LTBP3: variants seen among roughly 807,000 people sequenced by gnomAD.
LTBP3 encodes latent-transforming growth factor beta-binding protein 3.
LTBP3 carries 97 observed loss-of-function variants against 159.7 expected under a neutral mutation model. The ratio of observed to expected loss-of-function variants is 0.61; its 90% CI spans 0.52 to 0.72. The LOEUF (loss-of-function observed/expected upper bound fraction) is 0.72. Among genes scored for constraint, LTBP3 ranks in the 30% least tolerant of loss-of-function variants. The pLI, the probability that LTBP3 is intolerant of heterozygous loss-of-function variation, is 0.00. For missense variants in LTBP3, 1,584 were observed against 1,864.3 expected (o/e 0.85, Z 2.77); for synonymous variants, 824 against 777.1 (o/e 1.06, Z -1.00).
chr11:65,546,763 G>T lies in LTBP3; in HGVS notation c.2230+35C>A. On this transcript the variant is annotated intron_variant, in intron 15 of 27. Transcript: ENST00000301873. The surrounding 1 kb of genome is among the most constrained non-coding windows in gnomAD (Gnocchi z 4.0). ...AGCCAGACTGGGGGAGGCACCTGAC[G>T]GCCCCACCCACTCGGCTCCGGGCCC... is the stretch of plus-strand genomic sequence containing the variant. The T allele has an allele frequency of 1.3e-6, 2 of 1,516,932 alleles. No individual in the cohort carries two copies. Among genetic ancestry groups the T allele is most frequent in the Non-Finnish European group, 1.8e-6 (2 of 1,122,266 alleles). 94.0% of individuals were successfully genotyped at this position (1,516,932 alleles called of 1,614,324 possible). A position where few individuals can be genotyped will look rare whatever the true frequency, so the allele number is the denominator to read the frequency against.
At position 65,546,658 on chromosome 11, in the gene LTBP3, T is replaced by C. The variant is rs1018349114; in HGVS notation, c.2231-94A>G. The C allele has an allele frequency of 2.5e-6, 4 of 1,572,282 alleles. No individual in the cohort carries two copies. The South Asian group carries it at 4.5e-5, about 18-fold the overall frequency. ...TGGGTCTCTTCCCTGGAACGCGGGG[T>C]TGAGAGGGCAGCCTCTACTCCCGGA... On this transcript the variant is annotated intron_variant, in intron 15 of 27. Transcript: ENST00000301873. This position sits in a 1 kb window ranked among gnomAD's most constrained non-coding sequence, Gnocchi z 4.0.
At chr11:65,541,417 G>T in intron 19 of LTBP3, 124 bp from the exon 20 acceptor site, 1 of 1,417,298 alleles carries the variant, frequency 7.1e-7, no homozygotes, top group Non-Finnish European at 9.8e-7. Context: ...CCTGAGAGTT[G>T]GCTCTGTTCT....
chr11:65,545,232 A>G (rs1315315442), intron 16 of LTBP3: 1 of 189,482 alleles, frequency 5.3e-6, no homozygotes, highest in Non-Finnish European at 1.1e-5. Context: ...ATCTCCTCCA[A>G]CGCCTTCCGC....
intron 19 of LTBP3, 41 bp from the exon 20 acceptor site, chr11:65,541,334 C>A: frequency 6.2e-7 from 1 of 1,600,952 alleles, no homozygotes; most frequent in South Asian, 1.1e-5. Context: ...CACAGACCCC[C>A]CTTGGCCCTG....
At chr11:65,550,618 G>A (rs1381849499) in intron 11 of LTBP3, among the ~76,000 whole-genome samples, 2 of 150,624 alleles carry the variant, frequency 1.3e-5, no homozygotes, top group East Asian at 4.0e-4. Flanking sequence ...GAGGTCAAGA[G>A]ATCGAGACCA....
In LTBP3 at chr11:65,552,425, G is replaced by A. The variant is rs985660478; in HGVS notation, c.1187-19C>T. 1.2e-6 allele frequency: 2 copies of A among 1,610,864 alleles called. No homozygotes were observed. The highest frequency in any genetic ancestry group is 2.2e-5 in the East Asian group (1 of 44,892). The stretch of plus-strand genomic sequence containing the variant: ...TTGTCTGCTGCAGGGGCCAGTGGGG[G>A]GCATGGGCATCTGAGCCTGCACATT... On this transcript the variant is annotated intron_variant, in intron 6 of 27. Transcript: ENST00000301873. This position sits in a 1 kb window ranked among gnomAD's most constrained non-coding sequence, Gnocchi z 6.0.
rs1856125643 is a variant in LTBP3, at chr11:65,541,296, G to GA, written c.2726-4dup. On this transcript the variant is annotated splice_polypyrimidine_tract_variant and splice_region_variant and intron_variant, in intron 19 of 27. Transcript: ENST00000301873. Reference sequence around the variant, plus strand: ...CTTGTGGTGGGGCTGCTCCACCTCTGAGGGGCAGACGGCAGCTCAGGGTTG... The same window carrying GA: ...CTTGTGGTGGGGCTGCTCCACCTCTGAAGGGGCAGACGGCAGCTCAGGGTTG... 6.2e-7 allele frequency: 1 copy of GA among 1,610,050 alleles called. No individual in the cohort carries two copies. Among genetic ancestry groups the GA allele is most frequent in the East Asian group, 2.2e-5 (1 of 44,870 alleles).
chr11:65,546,342 G>A lies in LTBP3; in HGVS notation c.2353+100C>T, dbSNP rs1311813908. The A allele has an allele frequency of 1.5e-6, 2 of 1,363,624 alleles. No homozygotes were observed. The highest frequency in any genetic ancestry group is 1.9e-6 in the Non-Finnish European group (2 of 1,037,720). 84.5% of individuals were successfully genotyped at this position (1,363,624 alleles called of 1,614,324 possible). On this transcript the variant is annotated intron_variant, in intron 16 of 27. Coordinates refer to ENST00000301873, the MANE Select transcript of LTBP3 (RefSeq NM_001130144.3). This position sits in a 1 kb window ranked among gnomAD's most constrained non-coding sequence, Gnocchi z 4.0. ...TGAGCAGAGTCACCTGGGGATGAAT[G>A]AGCCACCTTCCACCCACTGTTTACA...
chr11:65,555,977 C>T (rs753397212), intron 1 of LTBP3, among the ~76,000 whole-genome samples: 4 of 152,120 alleles, frequency 2.6e-5, no homozygotes, highest in Admixed American at 6.5e-5. Flanking sequence ...GTGTCCTGGG[C>T]GGGGGGAGGT....
rs1372611834 is a variant in LTBP3, at chr11:65,553,747, T to C, written c.818A>G (p.Gln273Arg). 2 of 1,578,602 alleles carry C rather than the reference T, an allele frequency of 1.3e-6. No homozygotes were observed. Among genetic ancestry groups the C allele is most frequent in the East Asian group, 4.5e-5 (2 of 43,982 alleles). Residue 273 changes from glutamine to arginine, a missense_variant, in exon 3 of 28, where the codon CAG becomes CGG. By Grantham distance (43) the Gln-to-Arg change is conservative. Transcript: ENST00000301873. This position sits in a 1 kb window ranked among gnomAD's most constrained non-coding sequence, Gnocchi z 6.5. ...PKPSHPRPPT[Q>R]KPLGRCFQDT... ...CTGAAAGCAGCGGCCCAGGGGCTTCTGGGTGGGCGGCCGGGGGTGCGAGGG... is the reference window on the plus strand; with the variant it reads ...CTGAAAGCAGCGGCCCAGGGGCTTCCGGGTGGGCGGCCGGGGGTGCGAGGG...
chr11:65,550,367 G>A (rs1265980827), intron 11 of LTBP3, among the ~76,000 whole-genome samples: 1 of 151,856 alleles, frequency 6.6e-6, no homozygotes, highest in African/African-American at 2.4e-5. Flanking sequence ...AGCCGAGATC[G>A]CGCCACTGCA....
In LTBP3 at chr11:65,541,296, G is replaced by A; in HGVS notation, c.2726-3C>T. On this transcript the variant is annotated splice_polypyrimidine_tract_variant and splice_region_variant and intron_variant, in intron 19 of 27. Coordinates refer to ENST00000301873, the MANE Select transcript of LTBP3 (RefSeq NM_001130144.3). ...CTTGTGGTGGGGCTGCTCCACCTCT[G>A]AGGGGCAGACGGCAGCTCAGGGTTG... 1.9e-6 allele frequency: 3 copies of A among 1,610,050 alleles called. No homozygotes were observed. The highest frequency in any genetic ancestry group is 2.5e-6 in the Non-Finnish European group (3 of 1,179,962).
chr11:65,553,367 TG>T lies in LTBP3; in HGVS notation c.970+57del, dbSNP rs1410941843. 1.5e-4 allele frequency: 48 copies of T among 318,400 alleles called. No individual in the cohort carries two copies. Among genetic ancestry groups the T allele is most frequent in the Non-Finnish European group, 1.4e-4 (27 of 199,246 alleles). 19.7% of individuals were successfully genotyped at this position (318,400 alleles called of 1,614,324 possible). A position where few individuals can be genotyped will look rare whatever the true frequency, so the allele number is the denominator to read the frequency against. On this transcript the variant is annotated intron_variant, in intron 4 of 27. Transcript: ENST00000301873. This position sits in a 1 kb window ranked among gnomAD's most constrained non-coding sequence, Gnocchi z 6.5. ...TGGGGACTCCCACTGCAGGGATGGG[TG>T]GGGTGGGTGGGGAGGGGCCACCAGA...
rs28403592 is a variant in LTBP3, at chr11:65,553,238, G to A, written c.989C>T (p.Pro330Leu). Residue 330 changes from proline to leucine, a missense_variant, in exon 5 of 28, where the codon CCA becomes CTA. By Grantham distance (98) the Pro-to-Leu change is moderately conservative. Around this residue, in one of 6 missense-constraint regions of LTBP3, gnomAD observed 156 missense variants for 259.7 expected, o/e 0.60. Coordinates refer to ENST00000301873, the MANE Select transcript of LTBP3 (RefSeq NM_001130144.3). The surrounding 1 kb of genome is among the most constrained non-coding windows in gnomAD (Gnocchi z 6.5). ...PQLQYTGVQK[P>L]GPVRGEVGAD... ...GCCCACTTCCCCACGTACAGGCCCTGGCTTCTGCACTCCTGTGTCTGCAGA... is the reference window on the plus strand; with the variant it reads ...GCCCACTTCCCCACGTACAGGCCCTAGCTTCTGCACTCCTGTGTCTGCAGA... 933 of 1,614,106 alleles carry A rather than the reference G, an allele frequency of 5.8e-4. 2 individuals are homozygous for A. In the East Asian group the frequency reaches 7.8e-3, roughly 13 times the overall value.
rs1856668889 is a variant in LTBP3 at position 65,553,045 on chromosome 11, A to G, written c.1064-63T>C. Reference sequence around the variant, plus strand: ...CCATGGGGTGACAGCAGGCTGCTCCAAGAACCTCAGGGTCTTGCCCCAGCC... The same window carrying G: ...CCATGGGGTGACAGCAGGCTGCTCCGAGAACCTCAGGGTCTTGCCCCAGCC... On this transcript the variant is annotated intron_variant, in intron 5 of 27. Coordinates refer to ENST00000301873, the MANE Select transcript of LTBP3 (RefSeq NM_001130144.3). The surrounding 1 kb of genome is among the most constrained non-coding windows in gnomAD (Gnocchi z 6.5). The G allele has an allele frequency of 6.2e-7, 1 of 1,613,002 alleles. No individual in the cohort carries two copies. The highest frequency in any genetic ancestry group is 1.7e-5 in the Admixed American group (1 of 59,974).
rs764294041 is a variant in LTBP3, at chr11:65,540,854, A to T, written c.2977+17T>A. 2.5e-6 allele frequency: 4 copies of T among 1,604,470 alleles called. No homozygotes were observed. The Admixed American group carries it at 6.9e-5, about 28-fold the overall frequency. On this transcript the variant is annotated intron_variant, in intron 21 of 27. Coordinates refer to ENST00000301873, the MANE Select transcript of LTBP3 (RefSeq NM_001130144.3). ...GGGTGAGAGGGCGCGGGGCGGGCGG[A>T]GCCGCAGGGCGCTTACCACGGTGGG...
At chr11:65,548,337 C>G (rs1856470216) in intron 11 of LTBP3, 2 of 597,176 alleles carry the variant, frequency 3.3e-6, no homozygotes, top group East Asian at 5.6e-5. Context: ...CAAACCAAAC[C>G]ACATCCCCTC....
At position 65,552,766 on chromosome 11, in the gene LTBP3, C is replaced by T; in HGVS notation, c.1186+94G>A. On this transcript the variant is annotated intron_variant, in intron 6 of 27. Transcript: ENST00000301873. This position sits in a 1 kb window ranked among gnomAD's most constrained non-coding sequence, Gnocchi z 6.0. ...CTCTGGGCCTTGTTCCTCCTGCAGT[C>T]AACCCTTAACCCCACTCTGATCTCT... 6.3e-7 allele frequency: 1 copy of T among 1,585,542 alleles called. No homozygotes were observed. The highest frequency in any genetic ancestry group is 1.3e-5 in the African/African-American group (1 of 74,422).
In LTBP3 at chr11:65,546,578, A is replaced by G; in HGVS notation, c.2231-14T>C. 1 of 1,601,266 alleles carries G rather than the reference A, an allele frequency of 6.2e-7. No individual in the cohort carries two copies. Among genetic ancestry groups the G allele is most frequent in the Non-Finnish European group, 8.5e-7 (1 of 1,179,356 alleles). On this transcript the variant is annotated splice_polypyrimidine_tract_variant and intron_variant, in intron 15 of 27. Coordinates refer to ENST00000301873, the MANE Select transcript of LTBP3 (RefSeq NM_001130144.3). This position sits in a 1 kb window ranked among gnomAD's most constrained non-coding sequence, Gnocchi z 4.0. ...ACTCGTTCACGTCTGCGGCGGAAAGACCTAGCCTCGGACTCTGCCCCACCG... is the reference window on the plus strand; with the variant it reads ...ACTCGTTCACGTCTGCGGCGGAAAGGCCTAGCCTCGGACTCTGCCCCACCG...
Sources: gnomAD v4.1 joint callset for allele counts (sites outside exome capture counted in the v4.1 genomes callset) on GRCh38, gnomAD v4.1.1 for gene constraint, gnomAD v4.1.1 regional missense constraint, Gnocchi (gnomAD v3.1) non-coding constraint, MANE v1.5 for transcripts, NCBI Gene and HGNC (gene_info 2026-07-23, HGNC 2026-07-21) for gene names.